Variants in BTG4 observed in about 807,000 individuals in gnomAD.
The protein encoded by BTG4 is BTG anti-proliferation factor 4.
In BTG4, 10 loss-of-function variants were observed where a neutral mutation model predicts 19.3. That is an observed-to-expected ratio of 0.52 (90% CI 0.32 to 0.88). The LOEUF is 0.88. BTG4 is among the 40% of genes least tolerant of loss of function. BTG4 has a pLI of 0.04. For synonymous variants in BTG4, 91 were observed against 95.7 expected (o/e 0.95, Z 0.29); for missense variants, 238 against 281.9 (o/e 0.84, Z 1.11).
At chr11:111,502,177 G>T (rs1866129012) in intron 1 of BTG4, among the ~76,000 whole-genome samples, 1 of 150,486 alleles carries the variant, frequency 6.6e-6, no homozygotes, top group Non-Finnish European at 1.5e-5. Flanking sequence ...TCCCTATGTT[G>T]CCCAGGTTGG....
the BTG4 span, among the ~76,000 whole-genome samples, chr11:111,408,232 C>T: frequency 6.6e-6 from 1 of 152,302 alleles, no homozygotes; most frequent in East Asian, 1.9e-4. Context: ...AAGCCATCCC[C>T]TCTCCTTCTC....
At chr11:111,486,673 A>T (rs1445776366) in intron 5 of BTG4, among the ~76,000 whole-genome samples, 1 of 152,188 alleles carries the variant, frequency 6.6e-6, no homozygotes, top group African/African-American at 2.4e-5. Context: ...ATAGCACATT[A>T]AAAAAGTATT....
chr11:111,471,150 C>G (rs1864038806), intron 5 of BTG4, among the ~76,000 whole-genome samples: 1 of 152,102 alleles, frequency 6.6e-6, no homozygotes, highest in African/African-American at 2.4e-5. Context: ...AACAAGCCTG[C>G]AAAGTAGGTA....
the BTG4 span, among the ~76,000 whole-genome samples, chr11:111,427,071 G>A: frequency 6.6e-6 from 1 of 152,102 alleles, no homozygotes; most frequent in Non-Finnish European, 1.5e-5. Flanking sequence ...TTCATAAGTG[G>A]GTAAGAAAAA....
chr11:111,388,404 A>G, the BTG4 span, among the ~76,000 whole-genome samples: 1 of 151,510 alleles, frequency 6.6e-6, no homozygotes, highest in Non-Finnish European at 1.5e-5. Context: ...ACAACCAAAC[A>G]CTAGTCCTTC....
chr11:111,436,355 G>A, the BTG4 span, among the ~76,000 whole-genome samples: 8 of 152,180 alleles, frequency 5.3e-5, no homozygotes, highest in Non-Finnish European at 8.8e-5. Flanking sequence ...AGTGGCTCAC[G>A]CCTGTAATCC....
At chr11:111,413,865 T>C in the BTG4 span, among the ~76,000 whole-genome samples, 2 of 152,182 alleles carry the variant, frequency 1.3e-5, no homozygotes, top group Non-Finnish European at 2.9e-5. Flanking sequence ...TCCGGGAACA[T>C]GGCAAATTTG....
the BTG4 span, chr11:111,454,315 GTC>G: frequency 2.2e-6 from 1 of 456,376 alleles, no homozygotes; most frequent in Middle Eastern, 3.3e-4. Context: ...GCCTCAGGCA[GTC>G]TCTGTCAGTG....
the BTG4 span, among the ~76,000 whole-genome samples, chr11:111,387,204 C>A: frequency 6.6e-6 from 1 of 152,128 alleles, no homozygotes; most frequent in African/African-American, 2.4e-5. Context: ...CAAACTTTAC[C>A]AATTTCTAGT....
chr11:111,498,850 C>T (rs1000204963), intron 1 of BTG4, 48 bp from the exon 2 acceptor site: 4 of 1,322,564 alleles, frequency 3.0e-6, no homozygotes, highest in African/African-American at 1.5e-5. Context: ...AATGGTTTAA[C>T]TTATTATCAA....
the BTG4 span, among the ~76,000 whole-genome samples, chr11:111,428,115 C>A: frequency 1.3e-5 from 2 of 152,218 alleles, no homozygotes; most frequent in South Asian, 4.2e-4. Context: ...CCAAAAAGTG[C>A]ATAGGTAAGT....
chr11:111,453,628 A>G, the BTG4 span: 4 of 413,366 alleles, frequency 9.7e-6, no homozygotes, highest in South Asian at 6.8e-5. Flanking sequence ...CCCCAAATCC[A>G]ACTAGCCAGC....
the BTG4 span, chr11:111,397,801 A>G: frequency 6.6e-6 from 1 of 152,242 alleles, no homozygotes; most frequent in South Asian, 2.1e-4. Flanking sequence ...ACATTTCAGC[A>G]GAACGTTCAG....
chr11:111,489,201 A>C (rs747022015), intron 5 of BTG4, among the ~76,000 whole-genome samples: 48 of 152,182 alleles, frequency 3.2e-4, no homozygotes, highest in Middle Eastern at 3.2e-3. Flanking sequence ...AGCATCACTA[A>C]TCAGAGAAAC....
the BTG4 span, among the ~76,000 whole-genome samples, chr11:111,422,745 CA>C: frequency 6.6e-6 from 1 of 152,142 alleles, no homozygotes; most frequent in African/African-American, 2.4e-5. Context: ...CTCCCCTGCT[CA>C]ATAAGAATGG....
chr11:111,439,667 A>G, the BTG4 span, among the ~76,000 whole-genome samples: 1 of 151,554 alleles, frequency 6.6e-6, no homozygotes, highest in Non-Finnish European at 1.5e-5. Flanking sequence ...CAGTTTCTGC[A>G]CACTTTGCCT....
the BTG4 span, chr11:111,415,100 T>A: frequency 3.9e-5 from 6 of 152,190 alleles, no homozygotes; most frequent in Non-Finnish European, 8.8e-5. Flanking sequence ...GGCCCCAAGA[T>A]ATGAACTAAC....
chr11:111,426,506 G>A, the BTG4 span, among the ~76,000 whole-genome samples: 12 of 152,250 alleles, frequency 7.9e-5, no homozygotes, highest in East Asian at 1.7e-3. Flanking sequence ...GCATTGTAGC[G>A]GTGGTGGGTG....
intron 3 of BTG4, among the ~76,000 whole-genome samples, 183 bp downstream of exon 3, chr11:111,497,815 C>T (rs1170345578): frequency 1.3e-5 from 2 of 152,188 alleles, no homozygotes; most frequent in African/African-American, 2.4e-5. Flanking sequence ...GTGCTTTCCA[C>T]CTCACCCACT....
Sources: gnomAD v4.1 joint callset for allele counts (sites outside exome capture counted in the v4.1 genomes callset) on GRCh38, gnomAD v4.1.1 for gene constraint, MANE v1.5 for transcripts, NCBI Gene and HGNC (gene_info 2026-07-23, HGNC 2026-07-21) for gene names.